The following PACS2 variants were observed in gnomAD, a reference collection of about 807,000 sequenced individuals.
PACS2 encodes PACS1-like protein.
A neutral mutation model predicts 113.0 loss-of-function variants in PACS2; 36 were observed. That is an observed-to-expected ratio of 0.32 (90% confidence interval 0.24 to 0.42). The LOEUF (loss-of-function observed/expected upper bound fraction) is 0.42, where lower values mean the gene tolerates loss of function less well. PACS2 is among the 10% of genes least tolerant of loss of function. The pLI is 1.00. For missense variants in PACS2, 1,015 were observed against 1,239.5 expected, an observed-to-expected ratio of 0.82 and a Z score of 2.72; for synonymous variants, 589 against 536.1, an observed-to-expected ratio of 1.10 and a Z score of -1.36.
chr14:105,385,566 G>GA (rs2081148121), intron 18 of PACS2, 119 bp from the exon 19 acceptor site: 13 of 593,374 alleles, frequency 2.2e-5, no homozygotes, highest in Non-Finnish European at 3.4e-5. Context: ...GCGCTCACGG[G>GA]CTCTCCCACG....
rs1355170367 is a variant in PACS2, at chr14:105,391,894, G to T, written c.2255+128G>T. ...TGGCCTGTCAGCCACGAAGGCGGAGGGGCTCTGCAGGACGGCTGGGTCCTC... is the reference window on the plus strand; with the variant it reads ...TGGCCTGTCAGCCACGAAGGCGGAGTGGCTCTGCAGGACGGCTGGGTCCTC... On this transcript the variant is annotated intron_variant, in intron 22 of 24. Transcript: ENST00000447393. 8 of 966,476 alleles carry T rather than the reference G, an allele frequency of 8.3e-6. No individual in the cohort carries two copies. The African/African-American group carries it at 1.0e-4, about 12-fold the overall frequency. 59.9% of individuals were successfully genotyped at this position (966,476 alleles called of 1,614,324 possible). A position where few individuals can be genotyped will look rare whatever the true frequency, so the allele number is the denominator to read the frequency against.
chr14:105,327,593 T>C (rs1278036889), intron 1 of PACS2, among the ~76,000 whole-genome samples: 1 of 152,204 alleles, frequency 6.6e-6, no homozygotes, highest in African/African-American at 2.4e-5. Context: ...CTCATGCCTC[T>C]GCCGCTTGCT....
intron 1 of PACS2, among the ~76,000 whole-genome samples, chr14:105,333,359 C>T (rs587701698): frequency 8.5e-5 from 13 of 152,344 alleles, no homozygotes; most frequent in Admixed American, 2.6e-4. Context: ...CCGTTGCAGG[C>T]GTTCCCATGG....
chr14:105,385,523 A>G (rs1434785719), intron 18 of PACS2, among the ~76,000 whole-genome samples, 162 bp from the exon 19 acceptor site: 1 of 152,160 alleles, frequency 6.6e-6, no homozygotes, highest in Non-Finnish European at 1.5e-5. Context: ...CCTAGACTAC[A>G]GGGGAGAGAG....
upstream of PACS2, chr14:105,314,428 G>A (rs1230995101): frequency 6.7e-6 from 1 of 149,708 alleles, no homozygotes; most frequent in Admixed American, 6.6e-5. Flanking sequence ...GGACCCCCAC[G>A]ACTCTCCCGG....
chr14:105,306,762 C>T (rs1190766714), intron 1 of PACS2, among the ~76,000 whole-genome samples: 3 of 152,160 alleles, frequency 2.0e-5, no homozygotes, highest in African/African-American at 7.2e-5. Context: ...CCTGCCACTG[C>T]GCCCAGCTAA....
intron 16 of PACS2, chr14:105,383,806 G>A (rs2081078209): frequency 2.4e-6 from 1 of 414,320 alleles, no homozygotes; most frequent in African/African-American, 2.1e-5. Flanking sequence ...GAAGGGGCCT[G>A]AGCTGGGTGT....
chr14:105,376,520 C>G lies in PACS2; in HGVS notation c.802-248C>G, dbSNP rs1555410456. Among the ~76,000 whole-genome samples, 1 of 152,124 alleles carries G rather than the reference C, an allele frequency of 6.6e-6. No individual in the cohort carries two copies. The highest frequency in any genetic ancestry group is 1.5e-5 in the Non-Finnish European group (1 of 68,006). The stretch of plus-strand genomic sequence containing the variant: ...CCAGGCCCTCCGTGCACCCTGGCAG[C>G]CCAGATGACTGCACCAGCCCAGGGG... On this transcript the variant is annotated intron_variant, in intron 8 of 24. Coordinates refer to ENST00000447393, the MANE Select transcript of PACS2 (RefSeq NM_001100913.3). This position sits in a 1 kb window ranked among gnomAD's most constrained non-coding sequence, Gnocchi z 4.7.
intron 8 of PACS2, chr14:105,372,995 T>C (rs1022832320): frequency 1.3e-5 from 2 of 152,204 alleles, no homozygotes; most frequent in African/African-American, 4.8e-5. Flanking sequence ...TTAAAAACTT[T>C]CAAAACCCAA....
In PACS2 at chr14:105,307,044, CTTTTTTTCTT is replaced by C. The variant is rs959639505; in HGVS notation, c.-83+6073_-83+6082del. Among the ~76,000 whole-genome samples, 295 of 151,638 alleles carry C rather than the reference CTTTTTTTCTT, an allele frequency of 1.9e-3. 1 individual carries two copies. The highest frequency in any genetic ancestry group is 6.8e-3 in the African/African-American group (282 of 41,358). ...GTATGCCTTATTTACTTTATTTTTT[CTTTTTTTCTT>C]TTTTTTTTGAGGCAGGGTCTCACTC... On this transcript the variant is annotated intron_variant, in intron 1 of 23. Coordinates refer to the PACS2 transcript ENST00000430725.
chr14:105,353,091 C>CA (rs587680446), intron 3 of PACS2, among the ~76,000 whole-genome samples: 2 of 88,766 alleles, frequency 2.3e-5, no homozygotes, highest in African/African-American at 1.1e-4. Context: ...GGGTGACAGG[C>CA]CCCCCCCATC....
At chr14:105,370,492 C>T (rs1468617311) in intron 8 of PACS2, 1 of 152,122 alleles carries the variant, frequency 6.6e-6, no homozygotes, top group Admixed American at 6.5e-5. Flanking sequence ...GCAGGCAGAT[C>T]ACTTGGGCCC....
At chr14:105,328,248 C>G (rs935355304) in intron 1 of PACS2, among the ~76,000 whole-genome samples, 1 of 152,204 alleles carries the variant, frequency 6.6e-6, no homozygotes, top group African/African-American at 2.4e-5. Context: ...CCGGAGTGGC[C>G]AGCTTTCCTT....
rs587662016 is a variant in PACS2 at position 105,349,000 on chromosome 14, C to A, written c.207+420C>A. 2.0e-5 allele frequency among the ~76,000 whole-genome samples: 3 copies of A among 152,350 alleles called. No homozygotes were observed. The highest frequency in any genetic ancestry group is 7.2e-5 in the African/African-American group (3 of 41,590). ...GCGAGGGCCTAGCCAGAACTCCCAG[C>A]CCCTGGTGCCAGGGCCTCTCTCCTG... On this transcript the variant is annotated intron_variant, in intron 2 of 24. Transcript: ENST00000447393. The surrounding 1 kb of genome is among the most constrained non-coding windows in gnomAD (Gnocchi z 6.4).
At chr14:105,342,626 A>G (rs1304384083) in intron 1 of PACS2, among the ~76,000 whole-genome samples, 1 of 152,044 alleles carries the variant, frequency 6.6e-6, no homozygotes, top group Non-Finnish European at 1.5e-5. Flanking sequence ...TTAATAAAAC[A>G]AAAACTTTGC....
In PACS2 at chr14:105,397,117, A is replaced by T. The variant is rs1234135696; in HGVS notation, c.*2445A>T. 6.6e-6 allele frequency: 1 copy of T among 152,194 alleles called. No individual in the cohort carries two copies. The highest frequency in any genetic ancestry group is 1.5e-5 in the Non-Finnish European group (1 of 68,080). 9.4% of individuals were successfully genotyped at this position (152,194 alleles called of 1,614,324 possible). On this transcript the variant is annotated 3_prime_UTR_variant, in exon 25 of 25. Coordinates refer to ENST00000447393, the MANE Select transcript of PACS2 (RefSeq NM_001100913.3). ...GCTGTGGGTCTGCCCTGCACCCAGG[A>T]GCCCCACGGTCCATCCCCCACACCA...
intron 3 of PACS2, among the ~76,000 whole-genome samples, chr14:105,352,858 C>T (rs1595668671): frequency 7.4e-6 from 1 of 136,046 alleles, no homozygotes; most frequent in African/African-American, 2.8e-5. Flanking sequence ...TCAGTGTCCC[C>T]TGGGGAGACG....
At chr14:105,343,933 G>A (rs57229884) in intron 1 of PACS2, among the ~76,000 whole-genome samples, 11,239 of 151,496 alleles carry the variant, frequency 0.074, 1,419 homozygotes, top group African/African-American at 0.26. Flanking sequence ...TTTGTCGAAT[G>A]TGTGATCTGT....
At chr14:105,384,513 C>T in intron 17 of PACS2, 50 bp downstream of exon 17, 2 of 1,184,326 alleles carry the variant, frequency 1.7e-6, no homozygotes, top group Non-Finnish European at 2.5e-6. Flanking sequence ...AGGAAGGGGC[C>T]CCGGTTTCCC....
Sources: gnomAD v4.1 joint callset for allele counts (sites outside exome capture counted in the v4.1 genomes callset) on GRCh38, gnomAD v4.1.1 for gene constraint, Gnocchi (gnomAD v3.1) non-coding constraint, MANE v1.5 for transcripts, NCBI Gene and HGNC (gene_info 2026-07-23, HGNC 2026-07-21) for gene names.